Variants in GINS1 observed in about 807,000 individuals in gnomAD.
GINS1 encodes the protein DNA replication complex GINS protein PSF1.
A neutral mutation model predicts 34.9 loss-of-function variants in GINS1; 26 were observed. The ratio of observed to expected loss-of-function variants is 0.74; its 90% CI spans 0.55 to 1.03. GINS1 has a LOEUF of 1.03. Ranked by LOEUF, GINS1 falls within the 50% of genes least tolerant of loss-of-function variation. GINS1 has a pLI of 0.00. For synonymous variants in GINS1, 97 were observed against 84.4 expected, an observed-to-expected ratio of 1.15 and a Z score of -0.82; for missense variants, 235 against 237.9, an observed-to-expected ratio of 0.99 and a Z score of 0.08.
At chr20:25,441,898 GTATAA>G in intron 6 of GINS1, 122 bp downstream of exon 6, 1 of 596,912 alleles carries the variant, frequency 1.7e-6, no homozygotes, top group Non-Finnish European at 3.0e-6. Flanking sequence ...TTATCTTTTA[GTATAA>G]TATACCCTGT....
rs1159340467 is a variant in GINS1 at position 25,423,452 on chromosome 20, C to CTTTTTT, written c.331-1730_331-1725dup. Among the ~76,000 whole-genome samples, 91 of 29,998 alleles carry CTTTTTT rather than the reference C, an allele frequency of 3.0e-3. 19 individuals carry two copies. Among genetic ancestry groups the CTTTTTT allele is most frequent in the East Asian group, 0.014 (6 of 428 alleles). The allele number at this position is 29,998 out of a possible 152,430, so 19.7% of individuals were successfully genotyped here. On this transcript the variant is annotated intron_variant, in intron 4 of 6. Transcript: ENST00000262460. The stretch of plus-strand genomic sequence containing the variant: ...AAGGTTATTAAGATATTTTTCTTTT[C>CTTTTTT]TTTTTTTTTTTTTTTTTTTTTTTTT...
chr20:25,440,723 A>G (rs1302212020), intron 5 of GINS1, among the ~76,000 whole-genome samples: 1 of 150,510 alleles, frequency 6.6e-6, no homozygotes, highest in African/African-American at 2.4e-5. Context: ...AGGCAGGAGA[A>G]CCGCTTGAGC....
At chr20:25,443,258 A>G (rs1031018846) in intron 6 of GINS1, 12 of 152,164 alleles carry the variant, frequency 7.9e-5, no homozygotes, top group African/African-American at 2.7e-4. Flanking sequence ...AGGGTTCCCT[A>G]AAGTCTTCAG....
rs543112005 is a variant in GINS1 at position 25,441,736 on chromosome 20, T to A, written c.482T>A (p.Val161Asp). ...CTAAAAGACTATGGAGAATTTGAAG[T>A]TGATGATGGCACTTCAGTCCTATTA... ...RCLKDYGEFE[V>D]DDGTSVLLKK... The change falls in exon 6 of 7, where the codon GTT becomes GAT. Residue 161 changes from valine (V) to aspartate (D), a missense_variant. Coordinates refer to ENST00000262460, the MANE Select transcript of GINS1 (RefSeq NM_021067.5). The A allele has an allele frequency of 1.3e-5, 20 of 1,571,026 alleles. No homozygotes were observed. The South Asian group carries it at 2.1e-4, about 16-fold the overall frequency.
intron 1 of GINS1, chr20:25,409,135 G>C: frequency 1.9e-6 from 1 of 522,676 alleles, no homozygotes; most frequent in Non-Finnish European, 2.5e-6. Flanking sequence ...ACTGGAGAGG[G>C]TGACCAATAG....
chr20:25,407,771 G>A lies in GINS1; in HGVS notation c.-50G>A, dbSNP rs2090254940. 17 of 1,415,486 alleles carry A rather than the reference G, an allele frequency of 1.2e-5. No individual in the cohort carries two copies. Among genetic ancestry groups the A allele is most frequent in the Non-Finnish European group, 1.6e-5 (16 of 1,000,174 alleles). 87.7% of individuals were successfully genotyped at this position (1,415,486 alleles called of 1,614,324 possible). ...GCGCCGAGAGCCCAGATACCATTTT[G>A]GCGTGAGAGCTGGTGGTTGGCAAGG... On this transcript the variant is annotated 5_prime_UTR_variant, in exon 1 of 7. Coordinates refer to ENST00000262460, the MANE Select transcript of GINS1 (RefSeq NM_021067.5).
chr20:25,412,079 A>T (rs576765449), intron 1 of GINS1, among the ~76,000 whole-genome samples: 2 of 151,148 alleles, frequency 1.3e-5, no homozygotes, highest in East Asian at 4.0e-4. Context: ...CTGCACTCCA[A>T]CCTGGGCCAC....
At chr20:25,413,566 T>G in intron 1 of GINS1, 8 of 482,848 alleles carry the variant, frequency 1.7e-5, no homozygotes, top group Non-Finnish European at 2.9e-5. Flanking sequence ...GTCAAGTTTT[T>G]GCCCACAGGG....
At chr20:25,435,204 A>G (rs1403949473) in intron 5 of GINS1, among the ~76,000 whole-genome samples, 1 of 152,196 alleles carries the variant, frequency 6.6e-6, no homozygotes, top group Non-Finnish European at 1.5e-5. Flanking sequence ...ATATTGGCCC[A>G]CTGCCTTCTA....
intron 2 of GINS1, 114 bp downstream of exon 2, chr20:25,413,968 G>C: frequency 1.6e-6 from 1 of 640,524 alleles, no homozygotes; most frequent in Non-Finnish European, 2.9e-6. Flanking sequence ...GAGGCGGGCG[G>C]ATTACGAGGT....
chr20:25,434,577 G>T (rs2146215826), intron 5 of GINS1, among the ~76,000 whole-genome samples: 1 of 152,126 alleles, frequency 6.6e-6, no homozygotes, highest in East Asian at 1.9e-4. Flanking sequence ...CTCCTAAGTA[G>T]CTATGACTAC....
intron 5 of GINS1, among the ~76,000 whole-genome samples, chr20:25,439,301 C>T (rs1207047440): frequency 6.6e-6 from 1 of 152,154 alleles, no homozygotes; most frequent in Non-Finnish European, 1.5e-5. Flanking sequence ...GACCTAACTT[C>T]CATTTTATAG....
intron 5 of GINS1, among the ~76,000 whole-genome samples, chr20:25,427,513 A>G (rs1600932612): frequency 1.3e-5 from 2 of 152,132 alleles, no homozygotes; most frequent in South Asian, 4.1e-4. Context: ...TAGCCATCCT[A>G]AAGGATGTAA....
chr20:25,436,687 T>C (rs1417462009), intron 5 of GINS1, among the ~76,000 whole-genome samples: 4 of 152,234 alleles, frequency 2.6e-5, no homozygotes, highest in Non-Finnish European at 5.9e-5. Context: ...ATTTCCATTT[T>C]GTTCATACAT....
chr20:25,416,819 G>A (rs1262041869), intron 2 of GINS1, among the ~76,000 whole-genome samples: 2 of 152,204 alleles, frequency 1.3e-5, no homozygotes, highest in Non-Finnish European at 2.9e-5. Context: ...GAATAACACA[G>A]TGTCTTTTAG....
At chr20:25,418,064 C>A in intron 3 of GINS1, 41 bp from the exon 4 acceptor site, 1 of 1,071,148 alleles carries the variant, frequency 9.3e-7, no homozygotes, top group Non-Finnish European at 1.5e-6. Context: ...CGTGATCCCC[C>A]GTTTATTCTT....
intron 4 of GINS1, among the ~76,000 whole-genome samples, chr20:25,424,449 T>A (rs1005222957): frequency 7.9e-5 from 12 of 152,206 alleles, no homozygotes; most frequent in African/African-American, 2.2e-4. Context: ...AACTTTTTTT[T>A]TAAAATAGCA....
rs1416587683 is a variant in GINS1, at chr20:25,447,878, C to T, written c.*1887C>T. 6.6e-6 allele frequency: 1 copy of T among 152,222 alleles called. No individual in the cohort carries two copies. Among genetic ancestry groups the T allele is most frequent in the Non-Finnish European group, 1.5e-5 (1 of 68,070 alleles). 9.4% of individuals were successfully genotyped at this position (152,222 alleles called of 1,614,324 possible). ...GGGTGTGGTGGCTTATGCCTGTAAT[C>T]CTAGAACTTTGGGAGGCCTAGATGG... On this transcript the variant is annotated 3_prime_UTR_variant, in exon 7 of 7. Transcript: ENST00000262460.
At chr20:25,427,869 A>ATTTT (rs11411051) in intron 5 of GINS1, among the ~76,000 whole-genome samples, 4 of 94,286 alleles carry the variant, frequency 4.2e-5, no homozygotes, top group Non-Finnish European at 8.0e-5. Context: ...CCAGTTCGTC[A>ATTTT]TTTTTTTTTT....
Sources: gnomAD v4.1 joint callset for allele counts (sites outside exome capture counted in the v4.1 genomes callset) on GRCh38, gnomAD v4.1.1 for gene constraint, MANE v1.5 for transcripts, NCBI Gene and HGNC (gene_info 2026-07-23, HGNC 2026-07-21) for gene names.